The following TSPEAR variants were observed in gnomAD, a reference collection of about 807,000 sequenced individuals.
The protein encoded by TSPEAR is thrombospondin type laminin G domain and EAR repeats, also known as thrombospondin-type laminin G domain and EAR repeat-containing protein.
TSPEAR carries 69 observed loss-of-function variants against 71.6 expected under a neutral mutation model. That is an observed-to-expected ratio of 0.96 (90% CI 0.79 to 1.18). The LOEUF (loss-of-function observed/expected upper bound fraction) is 1.18. TSPEAR is among the 50% of genes most tolerant of loss of function. TSPEAR has a pLI of 0.00. For synonymous variants in TSPEAR, 402 were observed against 387.2 expected, an observed-to-expected ratio of 1.04 and a Z score of -0.45; for missense variants, 971 against 894.9, an observed-to-expected ratio of 1.09 and a Z score of -1.09.
chr21:44,700,773 T>C (rs905097856), intron 1 of TSPEAR, among the ~76,000 whole-genome samples: 13 of 152,210 alleles, frequency 8.5e-5, no homozygotes, highest in African/African-American at 2.7e-4. Flanking sequence ...TTAAGCCTGA[T>C]ACTGCCTCGT....
chr21:44,518,816 C>T (rs2052668375), intron 9 of TSPEAR: 1 of 416,454 alleles, frequency 2.4e-6, no homozygotes, highest in African/African-American at 2.0e-5. Flanking sequence ...CAAACATGCT[C>T]CAGTGTGCTG....
chr21:44,502,518 G>A (rs2052052715), intron 11 of TSPEAR, among the ~76,000 whole-genome samples: 1 of 152,192 alleles, frequency 6.6e-6, no homozygotes, highest in Admixed American at 6.5e-5. Flanking sequence ...TACGATACTT[G>A]GAAAACTCCT....
intron 1 of TSPEAR, among the ~76,000 whole-genome samples, chr21:44,657,104 T>A (rs1008699242): frequency 6.6e-6 from 1 of 152,070 alleles, no homozygotes; most frequent in Admixed American, 6.6e-5. Flanking sequence ...CATGGCCACA[T>A]TGTCTCCTCA....
At chr21:44,601,663 C>T (rs782597034) in intron 1 of TSPEAR, 16 of 1,613,044 alleles carry the variant, frequency 9.9e-6, no homozygotes, top group Middle Eastern at 1.7e-4. Context: ...CTGTGTGTCT[C>T]TCCTTTGCCG....
At position 44,527,395 on chromosome 21, in the gene TSPEAR, G is replaced by T. The variant is rs782182442; in HGVS notation, c.1046C>A (p.Ala349Asp). The change falls in exon 7 of 12, where the codon GCC (alanine) becomes GAC (aspartate). Residue 349 changes from alanine to aspartate, a missense_variant. Transcript: ENST00000323084. ...GLFVATANRK[A>D]TSAVYKWTEE... is the part of the protein sequence containing the mutation. ...GGTCCACTTGTAGACGGCGGATGTG[G>T]CTTTGCGATTGGCTGTGGCCACAAA... The T allele has an allele frequency of 6.2e-7, 1 of 1,614,232 alleles. No homozygotes were observed. Among genetic ancestry groups the T allele is most frequent in the Non-Finnish European group, 8.5e-7 (1 of 1,180,050 alleles).
In TSPEAR at chr21:44,642,812, A is replaced by G. The variant is rs1320054593; in HGVS notation, c.82+68621T>C. ...AGCCGAGATTGTGCCACTGCACTCC[A>G]GCCTGGGCAACAGAGCGAGACTCTA... On this transcript the variant is annotated intron_variant, in intron 1 of 11. Transcript: ENST00000323084. The surrounding 1 kb of genome is among the most constrained non-coding windows in gnomAD (Gnocchi z 4.1). Among the ~76,000 whole-genome samples the G allele has an allele frequency of 5.9e-5, 9 of 152,164 alleles. No homozygotes were observed. The highest frequency in any genetic ancestry group is 1.3e-4 in the Admixed American group (2 of 15,278).
Position 44,499,891 on chromosome 21 carries a change from G to T in TSPEAR, c.1902C>A (p.Thr634=). The change falls in exon 12 of 12, where the codon ACC becomes ACA. Residue 634 remains threonine (T), a synonymous_variant. Transcript: ENST00000323084. The part of the protein sequence containing the change: ...EGFVAVHSLP[T]VGCRDWEAFS... Reference sequence around the variant, plus strand: ...AGGCCTCCCAGTCCCTGCAGCCGACGGTGGGGAGGCTGTGCACCGCCACGA... The same window carrying T: ...AGGCCTCCCAGTCCCTGCAGCCGACTGTGGGGAGGCTGTGCACCGCCACGA... The T allele has an allele frequency of 2.5e-6, 4 of 1,607,638 alleles. No individual in the cohort carries two copies. The highest frequency in any genetic ancestry group is 2.5e-6 in the Non-Finnish European group (3 of 1,178,058).
At chr21:44,568,979 C>T (rs782044552) in intron 1 of TSPEAR, among the ~76,000 whole-genome samples, 1 of 152,150 alleles carries the variant, frequency 6.6e-6, no homozygotes, top group Non-Finnish European at 1.5e-5. Context: ...GTGAAGGCCC[C>T]GGAAGGGCTT....
chr21:44,584,703 TC>T (rs1555925513), intron 1 of TSPEAR, among the ~76,000 whole-genome samples: 1 of 152,196 alleles, frequency 6.6e-6, no homozygotes. Flanking sequence ...TCTGTCTTCT[TC>T]TGAGCTCTGG....
chr21:44,599,134 T>TTCTCATTTTCTCTCTCTCTCTCTC (rs1980576276), intron 1 of TSPEAR, among the ~76,000 whole-genome samples: 1 of 92,280 alleles, frequency 1.1e-5, no homozygotes, highest in African/African-American at 3.3e-5. Context: ...GGCCCCCATT[T>TTCTCATTTTCTCTCTCTCTCTCTC]TCTCTCTCTC....
chr21:44,545,156 A>G (rs1039386702), intron 2 of TSPEAR, among the ~76,000 whole-genome samples: 1 of 152,018 alleles, frequency 6.6e-6, no homozygotes, highest in African/African-American at 2.4e-5. Flanking sequence ...CGTCTCTACT[A>G]AAAATACAAA....
At chr21:44,575,835 C>T (rs1213905335) in intron 1 of TSPEAR, among the ~76,000 whole-genome samples, 2 of 152,146 alleles carry the variant, frequency 1.3e-5, no homozygotes, top group African/African-American at 2.4e-5. Flanking sequence ...TCTGTCGCTT[C>T]GCTTCCACCC....
intron 1 of TSPEAR, chr21:44,646,275 C>A: frequency 2.6e-6 from 2 of 772,720 alleles, no homozygotes; most frequent in Non-Finnish European, 4.1e-6. Context: ...ATGAATGATG[C>A]ATCTCCAGCC....
chr21:44,518,165 C>T (rs1555913725), intron 9 of TSPEAR: 2 of 377,256 alleles, frequency 5.3e-6, no homozygotes, highest in Non-Finnish European at 1.1e-5. Flanking sequence ...ATCTTGAATA[C>T]TTCTGAAGAC....
At chr21:44,553,156 A>G (rs896763858) in intron 2 of TSPEAR, among the ~76,000 whole-genome samples, 2 of 152,248 alleles carry the variant, frequency 1.3e-5, no homozygotes, top group East Asian at 1.9e-4. Flanking sequence ...AGCACTTGGC[A>G]TCTATTAATT....
chr21:44,647,331 C>T, intron 1 of TSPEAR: 1 of 1,613,870 alleles, frequency 6.2e-7, no homozygotes, highest in Non-Finnish European at 8.5e-7. Flanking sequence ...ACAGCCTCTG[C>T]TCAGGCAAGA....
At chr21:44,638,475 C>A (rs1983810357) in intron 1 of TSPEAR, 1 of 380,220 alleles carries the variant, frequency 2.6e-6, no homozygotes, top group South Asian at 3.4e-5. Flanking sequence ...TGTCTGTGGA[C>A]CCCCGGGGGG....
At chr21:44,503,955 A>AGGTT (rs2052118860) in intron 11 of TSPEAR, among the ~76,000 whole-genome samples, 1 of 124,126 alleles carries the variant, frequency 8.1e-6, no homozygotes. Context: ...CTCTGGGAGG[A>AGGTT]GGCCGGAGTT....
chr21:44,607,883 T>C (rs1555930127), intron 1 of TSPEAR, among the ~76,000 whole-genome samples: 1 of 152,194 alleles, frequency 6.6e-6, no homozygotes, highest in Admixed American at 6.5e-5. Flanking sequence ...AGAAGTGAAA[T>C]CATATCACAA....
Sources: allele counts gnomAD v4.1 joint callset (sites outside exome capture counted in the v4.1 genomes callset), GRCh38; gene constraint gnomAD v4.1.1; non-coding constraint Gnocchi (gnomAD v3.1); transcripts MANE v1.5; gene names NCBI Gene and HGNC (gene_info 2026-07-23, HGNC 2026-07-21).